Variants in COMMD1 observed in about 807,000 individuals in gnomAD.
COMMD1 encodes the protein COMM domain-containing protein 1.
A neutral mutation model predicts 17.2 loss-of-function variants in COMMD1; 10 were observed. The ratio of observed to expected loss-of-function variants is 0.58; its 90% CI spans 0.36 to 0.99. The LOEUF (loss-of-function observed/expected upper bound fraction) is 0.99, where lower values mean the gene tolerates loss of function less well. Among genes scored for constraint, COMMD1 ranks in the 50% least tolerant of loss-of-function variants. COMMD1 has a pLI of 0.01. For missense variants in COMMD1, 270 were observed against 231.8 expected, an observed-to-expected ratio of 1.17 and a Z score of -1.07; for synonymous variants, 97 against 91.6, an observed-to-expected ratio of 1.06 and a Z score of -0.34.
chr2:61,997,502 C>T (rs887592445), intron 1 of COMMD1, among the ~76,000 whole-genome samples: 5 of 152,088 alleles, frequency 3.3e-5, no homozygotes, highest in Non-Finnish European at 4.4e-5. Flanking sequence ...TGAGTGACTA[C>T]GTGCATTGTT....
chr2:62,006,435 GA>G (rs1450460636), intron 2 of COMMD1, among the ~76,000 whole-genome samples: 1 of 151,970 alleles, frequency 6.6e-6, no homozygotes, highest in Non-Finnish European at 1.5e-5. Context: ...TATCCTTTGA[GA>G]TATGAGGAAG....
At chr2:62,065,708 T>C (rs1427604857) in intron 2 of COMMD1, among the ~76,000 whole-genome samples, 2 of 152,310 alleles carry the variant, frequency 1.3e-5, no homozygotes, top group East Asian at 3.9e-4. Flanking sequence ...ATTTAGATCA[T>C]GAAGGTATGA....
intron 1 of COMMD1, among the ~76,000 whole-genome samples, chr2:61,986,267 A>G (rs1236623019): frequency 4.6e-5 from 7 of 151,888 alleles, no homozygotes; most frequent in African/African-American, 1.7e-4. Flanking sequence ...GCTCCATTGC[A>G]TGTTATTTGT....
intron 2 of COMMD1, among the ~76,000 whole-genome samples, chr2:62,031,122 C>T (rs1226468053): frequency 2.6e-5 from 4 of 152,168 alleles, no homozygotes; most frequent in Non-Finnish European, 5.9e-5. Flanking sequence ...CCATACTGAT[C>T]ATTGCCTCAC....
At chr2:61,934,720 G>C (rs555005070) in intron 1 of COMMD1, among the ~76,000 whole-genome samples, 1 of 152,310 alleles carries the variant, frequency 6.6e-6, no homozygotes, top group African/African-American at 2.4e-5. Flanking sequence ...AGTTAGTACA[G>C]CAGTCACTGA....
intron 1 of COMMD1, among the ~76,000 whole-genome samples, chr2:61,893,826 A>T (rs187604932): frequency 6.7e-4 from 102 of 151,862 alleles, no homozygotes; most frequent in African/African-American, 2.3e-3. Flanking sequence ...AAAAAAAAAA[A>T]TTGAGAAAAA....
At chr2:61,895,395 C>T (rs373753059) in intron 1 of COMMD1, among the ~76,000 whole-genome samples, 33 of 152,206 alleles carry the variant, frequency 2.2e-4, no homozygotes, top group African/African-American at 7.5e-4. Context: ...ATCGAGGTTG[C>T]AGCTCCAGAC....
intron 2 of COMMD1, among the ~76,000 whole-genome samples, chr2:62,095,118 A>G (rs1407742917): frequency 6.6e-6 from 1 of 152,236 alleles, no homozygotes; most frequent in Non-Finnish European, 1.5e-5. Flanking sequence ...GTGTAGAGGA[A>G]ATGGTAATGA....
At chr2:62,078,981 C>T (rs1244507327) in intron 2 of COMMD1, among the ~76,000 whole-genome samples, 1 of 151,868 alleles carries the variant, frequency 6.6e-6, no homozygotes, top group African/African-American at 2.4e-5. Context: ...TGTTTCTTTT[C>T]AGGCTTAAAG....
intron 1 of COMMD1, among the ~76,000 whole-genome samples, chr2:61,944,151 T>G (rs1291706584): frequency 6.6e-6 from 1 of 152,070 alleles, no homozygotes; most frequent in East Asian, 1.9e-4. Context: ...ATGAGAAGAC[T>G]CTTTAGAATG....
intron 2 of COMMD1, among the ~76,000 whole-genome samples, chr2:62,081,496 T>C (rs1217981225): frequency 1.3e-5 from 2 of 152,152 alleles, no homozygotes; most frequent in Non-Finnish European, 2.9e-5. Flanking sequence ...GTGATCTGCC[T>C]GCCTCAGCCT....
intron 2 of COMMD1, among the ~76,000 whole-genome samples, chr2:62,027,886 C>T (rs1669808452): frequency 1.3e-5 from 2 of 152,160 alleles, no homozygotes; most frequent in African/African-American, 4.8e-5. Flanking sequence ...CTCTTAGGCT[C>T]AAGTGATCTG....
intron 1 of COMMD1, among the ~76,000 whole-genome samples, chr2:61,892,246 A>G (rs781712141): frequency 1.3e-4 from 20 of 152,054 alleles, no homozygotes; most frequent in South Asian, 2.1e-4. Flanking sequence ...TGGCAATAAC[A>G]ATACAATTTC....
intron 2 of COMMD1, among the ~76,000 whole-genome samples, chr2:62,081,270 G>A (rs374874066): frequency 1.1e-5 from 1 of 87,000 alleles, no homozygotes; most frequent in Non-Finnish European, 2.4e-5. Flanking sequence ...TTTTTTTTTT[G>A]AGACAGAGTC....
At chr2:61,908,213 A>G (rs972560253) in intron 1 of COMMD1, among the ~76,000 whole-genome samples, 1 of 150,222 alleles carries the variant, frequency 6.7e-6, no homozygotes, top group African/African-American at 2.4e-5. Context: ...TTCAGTTCCA[A>G]TCTTTATTGA....
intron 2 of COMMD1, among the ~76,000 whole-genome samples, chr2:62,027,081 G>A (rs928429414): frequency 2.0e-5 from 3 of 152,100 alleles, no homozygotes; most frequent in Non-Finnish European, 2.9e-5. Flanking sequence ...GAGATATCAT[G>A]TGAAATTTTT....
chr2:61,986,088 T>C (rs1015817571), intron 1 of COMMD1, among the ~76,000 whole-genome samples: 2 of 152,216 alleles, frequency 1.3e-5, no homozygotes, highest in Non-Finnish European at 2.9e-5. Flanking sequence ...CAGCTTTTGA[T>C]TGGGAAAATC....
At chr2:62,081,618 G>C in intron 2 of COMMD1, among the ~76,000 whole-genome samples, 1 of 151,990 alleles carries the variant, frequency 6.6e-6, no homozygotes, top group Non-Finnish European at 1.5e-5. Context: ...CCACCAGTGA[G>C]GTTGAGTCTG....
At chr2:61,985,189 T>G (rs1364333416) in intron 1 of COMMD1, among the ~76,000 whole-genome samples, 1 of 152,102 alleles carries the variant, frequency 6.6e-6, no homozygotes, top group African/African-American at 2.4e-5. Flanking sequence ...TAGCTGGGAC[T>G]ACAGGCGCCC....
Sources: allele counts gnomAD v4.1 joint callset (sites outside exome capture counted in the v4.1 genomes callset), GRCh38; gene constraint gnomAD v4.1.1; transcripts MANE v1.5; gene names NCBI Gene and HGNC (gene_info 2026-07-23, HGNC 2026-07-21).